Variants in CHST13 observed in about 807,000 individuals in gnomAD.
CHST13 encodes C4ST-3.
In CHST13, 1 loss-of-function variant was observed where a neutral mutation model predicts 7.0. The ratio of observed to expected loss-of-function variants is 0.14; its 90% CI spans 0.05 to 0.68. CHST13 has a LOEUF of 0.68. CHST13 is among the 30% of genes least tolerant of loss of function. The pLI, the probability that CHST13 is intolerant of heterozygous loss-of-function variation, is 0.82. For missense variants in CHST13, 572 were observed against 507.9 expected, an observed-to-expected ratio of 1.13 and a Z score of -1.21; for synonymous variants, 257 against 240.9, an observed-to-expected ratio of 1.07 and a Z score of -0.62.
At position 126,542,263 on chromosome 3, in the gene CHST13, G is replaced by A; in HGVS notation, c.711G>A (p.Thr237=). The change falls in exon 3 of 3, where the codon ACG becomes ACA. Residue 237 remains threonine (T), a synonymous_variant. Coordinates refer to ENST00000319340, the MANE Select transcript of CHST13 (RefSeq NM_152889.3). ...EFLAYLLDPR[T]RREEPFNEHW... is the part of the protein sequence containing the mutation. ...TGGCCTACCTGCTGGACCCGCGCACGCGGCGTGAGGAGCCCTTCAACGAGC... is the reference window on the plus strand; with the variant it reads ...TGGCCTACCTGCTGGACCCGCGCACACGGCGTGAGGAGCCCTTCAACGAGC... 1.9e-6 allele frequency: 3 copies of A among 1,553,322 alleles called. No homozygotes were observed. The highest frequency in any genetic ancestry group is 1.8e-5 in the Admixed American group (1 of 55,326).
chr3:126,541,982 C>G lies in CHST13; in HGVS notation c.430C>G (p.His144Asp). ...GCGCGCCATCTCCGCGCAAGAGGCG[C>G]ACGCGCCTGGCCGCCTGCCCTCACT... ...DPRAISAQEA[H>D]APGRLPSLAD... Residue 144 changes from histidine (H) to aspartate (D), a missense_variant, in exon 3 of 3, where the codon CAC (histidine) becomes GAC (aspartate). Physicochemically the swap from His to Asp is moderately conservative, Grantham distance 81. Coordinates refer to ENST00000319340, the MANE Select transcript of CHST13 (RefSeq NM_152889.3). 6.4e-7 allele frequency: 1 copy of G among 1,570,946 alleles called. No homozygotes were observed.
chr3:126,532,180 A>G (rs1936674061), intron 1 of CHST13, among the ~76,000 whole-genome samples: 2 of 152,212 alleles, frequency 1.3e-5, no homozygotes, highest in African/African-American at 4.8e-5. Flanking sequence ...TACCAGAGAG[A>G]TAATTTGCAA....
chr3:126,533,050 T>C (rs1246020297), intron 1 of CHST13, among the ~76,000 whole-genome samples: 1 of 152,240 alleles, frequency 6.6e-6, no homozygotes, highest in Admixed American at 6.5e-5. Flanking sequence ...TGCTAGTATA[T>C]AGAATATAAT....
At position 126,541,954 on chromosome 3, in the gene CHST13, C is replaced by T. The variant is rs751310243; in HGVS notation, c.402C>T (p.Asp134=). The T allele has an allele frequency of 1.3e-6, 2 of 1,586,508 alleles. No individual in the cohort carries two copies. The highest frequency in any genetic ancestry group is 1.7e-5 in the Admixed American group (1 of 57,294). ...LLALSGQARG[D]PRAISAQEAH... ...CGCTGAGCGGCCAAGCCCGCGGCGACCCGCGCGCCATCTCCGCGCAAGAGG... is the reference window on the plus strand; with the variant it reads ...CGCTGAGCGGCCAAGCCCGCGGCGATCCGCGCGCCATCTCCGCGCAAGAGG... Residue 134 remains aspartate, a synonymous_variant, in exon 3 of 3, where the codon GAC becomes GAT. Coordinates refer to ENST00000319340, the MANE Select transcript of CHST13 (RefSeq NM_152889.3).
chr3:126,525,242 G>A (rs968001988), intron 1 of CHST13, among the ~76,000 whole-genome samples: 7 of 151,976 alleles, frequency 4.6e-5, no homozygotes, highest in Non-Finnish European at 7.4e-5. Flanking sequence ...GACTCAGTCC[G>A]CCTCCCCACC....
Position 126,542,461 on chromosome 3 carries a change from G to A in CHST13, c.909G>A (p.Leu303=). ...RPRGAAASRD[L]AARLFRDISP... The stretch of plus-strand genomic sequence containing the variant: ...GGGGAGCCGCCGCCTCCCGCGACCT[G>A]GCAGCGCGCCTCTTCCGGGACATCA... Residue 303 remains leucine, a synonymous_variant, in exon 3 of 3, where the codon CTG becomes CTA. Transcript: ENST00000319340. 1 of 1,573,788 alleles carries A rather than the reference G, an allele frequency of 6.4e-7. No individual in the cohort carries two copies. Among genetic ancestry groups the A allele is most frequent in the Non-Finnish European group, 8.6e-7 (1 of 1,162,792 alleles).
Position 126,542,365 on chromosome 3 carries a change from G to C in CHST13, c.813G>C (p.Ala271=). Residue 271 remains alanine, a synonymous_variant, in exon 3 of 3, where the codon GCG becomes GCC. Coordinates refer to ENST00000319340, the MANE Select transcript of CHST13 (RefSeq NM_152889.3). ...YDVVGKFETL[A]EDAAFVLGLA... ...TCGTGGGCAAGTTCGAGACGCTGGC[G>C]GAGGACGCGGCCTTCGTGCTGGGCC... 1 of 1,561,490 alleles carries C rather than the reference G, an allele frequency of 6.4e-7. No individual in the cohort carries two copies. Among genetic ancestry groups the C allele is most frequent in the Non-Finnish European group, 8.7e-7 (1 of 1,155,302 alleles).
At chr3:126,531,691 C>A (rs1936663372) in intron 1 of CHST13, among the ~76,000 whole-genome samples, 1 of 152,182 alleles carries the variant, frequency 6.6e-6, no homozygotes, top group Non-Finnish European at 1.5e-5. Context: ...GGATATACCA[C>A]ATTTTTATTA....
At chr3:126,526,992 C>T (rs182002038) in intron 1 of CHST13, 1 of 152,390 alleles carries the variant, frequency 6.6e-6, no homozygotes, top group East Asian at 1.9e-4. Flanking sequence ...AGAAATACCC[C>T]TGCCTCGAGG....
intron 2 of CHST13, among the ~76,000 whole-genome samples, chr3:126,536,564 C>A (rs1936795358): frequency 1.3e-5 from 2 of 152,118 alleles, no homozygotes; most frequent in African/African-American, 4.8e-5. Context: ...ACCTATCTTC[C>A]CATCCATCAA....
At chr3:126,529,517 CG>C in intron 1 of CHST13, 1 of 602,228 alleles carries the variant, frequency 1.7e-6, no homozygotes, top group Non-Finnish European at 2.5e-6. Context: ...TGTGAGGCCT[CG>C]GGCAAGTTTC....
At chr3:126,539,784 C>G (rs1478734035) in intron 2 of CHST13, among the ~76,000 whole-genome samples, 1 of 62,672 alleles carries the variant, frequency 1.6e-5, no homozygotes, top group African/African-American at 8.1e-5. Context: ...CACACACACA[C>G]CACACACCAC....
intron 1 of CHST13, among the ~76,000 whole-genome samples, chr3:126,525,736 T>C (rs961802478): frequency 1.3e-5 from 2 of 151,968 alleles, no homozygotes; most frequent in South Asian, 4.2e-4. Context: ...GACACCTGAG[T>C]GCCTGGGTCC....
At chr3:126,530,156 C>T (rs1200706852) in intron 1 of CHST13, among the ~76,000 whole-genome samples, 2 of 152,322 alleles carry the variant, frequency 1.3e-5, no homozygotes, top group East Asian at 1.9e-4. Flanking sequence ...GCAGCCTGCC[C>T]GTCTGCAGGG....
chr3:126,535,831 T>G (rs569561211), intron 1 of CHST13, among the ~76,000 whole-genome samples: 1 of 152,368 alleles, frequency 6.6e-6, no homozygotes, highest in East Asian at 1.9e-4. Flanking sequence ...CCATCTCCAC[T>G]GTTGCCCAAA....
chr3:126,529,369 T>C (rs1413416764), intron 1 of CHST13: 1 of 1,289,270 alleles, frequency 7.8e-7, no homozygotes, highest in Admixed American at 2.3e-5. Flanking sequence ...TGGGGCCCAC[T>C]TGCCTACGGA....
chr3:126,538,210 A>G (rs1166386558), intron 2 of CHST13, among the ~76,000 whole-genome samples: 2 of 152,222 alleles, frequency 1.3e-5, no homozygotes, highest in Non-Finnish European at 2.9e-5. Context: ...CTGCTCGGAG[A>G]CTGGCAGCCC....
At chr3:126,539,271 T>A (rs1936870230) in intron 2 of CHST13, among the ~76,000 whole-genome samples, 1 of 152,136 alleles carries the variant, frequency 6.6e-6, no homozygotes, top group South Asian at 2.1e-4. Flanking sequence ...TAAGTCTCCC[T>A]CCACCCACCC....
At chr3:126,531,521 G>A (rs1445837997) in intron 1 of CHST13, among the ~76,000 whole-genome samples, 4 of 152,072 alleles carry the variant, frequency 2.6e-5, no homozygotes, top group South Asian at 2.1e-4. Context: ...GAACTCTTAC[G>A]GACATATTAA....
Sources: gnomAD v4.1 joint callset for allele counts (sites outside exome capture counted in the v4.1 genomes callset) on GRCh38, gnomAD v4.1.1 for gene constraint, MANE v1.5 for transcripts, NCBI Gene and HGNC (gene_info 2026-07-23, HGNC 2026-07-21) for gene names.